The following TNFRSF21 variants were observed in gnomAD, a reference collection of about 807,000 sequenced individuals.
The protein encoded by TNFRSF21 is TNF receptor superfamily member 21, also known as tumor necrosis factor receptor superfamily member 21.
Under a neutral mutation model 45.6 loss-of-function variants are expected in TNFRSF21, and 19 were observed. The ratio of observed to expected loss-of-function variants is 0.42; its 90% confidence interval spans 0.29 to 0.61. The LOEUF (loss-of-function observed/expected upper bound fraction) is 0.61. Ranked by LOEUF, TNFRSF21 falls within the 20% of genes least tolerant of loss-of-function variation. The probability of loss-of-function intolerance (pLI) is 0.23; values close to 1 mark genes in which losing one functional copy is unlikely to be tolerated. For missense variants in TNFRSF21, 737 were observed against 851.5 expected (o/e 0.87, Z 1.67); for synonymous variants, 314 against 335.5 (o/e 0.94, Z 0.70).
intron 5 of TNFRSF21, 39 bp downstream of exon 5, chr6:47,234,631 G>A (rs1401174944): frequency 9.8e-6 from 15 of 1,524,656 alleles, no homozygotes; most frequent in Admixed American, 1.8e-5. Flanking sequence ...TCTTTGGGGG[G>A]TTTAAGTGCG....
chr6:47,253,190 C>G (rs115512876), intron 4 of TNFRSF21, 66 bp downstream of exon 4: 26,862 of 1,558,420 alleles, frequency 0.017, 288 homozygotes, highest in Non-Finnish European at 0.021. Context: ...TCCCATACAA[C>G]TGATAAAATT....
At chr6:47,302,181 G>A (rs896924114) in intron 1 of TNFRSF21, among the ~76,000 whole-genome samples, 4 of 152,138 alleles carry the variant, frequency 2.6e-5, no homozygotes, top group African/African-American at 7.2e-5. Flanking sequence ...AGTGCTACCA[G>A]TCAGTATGAT....
At chr6:47,264,392 G>T (rs1561943487) in intron 3 of TNFRSF21, among the ~76,000 whole-genome samples, 1 of 152,174 alleles carries the variant, frequency 6.6e-6, no homozygotes, top group African/African-American at 2.4e-5. Context: ...GCCAGGCATG[G>T]TGGTCCCAGC....
At chr6:47,244,393 A>AT (rs911052919) in intron 4 of TNFRSF21, among the ~76,000 whole-genome samples, 4 of 151,032 alleles carry the variant, frequency 2.6e-5, no homozygotes, top group East Asian at 1.9e-4. Context: ...AAGACTGCAC[A>AT]TTTTTTTTCT....
At chr6:47,284,571 T>G in intron 2 of TNFRSF21, 139 bp from the exon 3 acceptor site, 1 of 1,039,540 alleles carries the variant, frequency 9.6e-7, no homozygotes, top group Non-Finnish European at 1.3e-6. Flanking sequence ...ATAAATTGTG[T>G]TGCACATTTT....
At chr6:47,243,592 A>G (rs970553021) in intron 4 of TNFRSF21, among the ~76,000 whole-genome samples, 6 of 151,930 alleles carry the variant, frequency 3.9e-5, no homozygotes, top group African/African-American at 7.3e-5. Context: ...TGATTTTTGT[A>G]GTTTTAGTAG....
chr6:47,278,390 T>C (rs1222081179), intron 3 of TNFRSF21, among the ~76,000 whole-genome samples: 1 of 152,228 alleles, frequency 6.6e-6, no homozygotes, highest in African/African-American at 2.4e-5. Context: ...ATGATGGCAA[T>C]GTCCTTTATC....
chr6:47,244,035 C>G (rs1213609147), intron 4 of TNFRSF21, among the ~76,000 whole-genome samples: 1 of 152,124 alleles, frequency 6.6e-6, no homozygotes, highest in African/African-American at 2.4e-5. Flanking sequence ...TTTAAAAAGT[C>G]TTCAGGCTGG....
At chr6:47,292,372 A>G (rs919984592) in intron 1 of TNFRSF21, among the ~76,000 whole-genome samples, 2 of 151,540 alleles carry the variant, frequency 1.3e-5, no homozygotes, top group East Asian at 1.9e-4. Context: ...TTACCTGGGA[A>G]GCTTTAAAAA....
intron 4 of TNFRSF21, among the ~76,000 whole-genome samples, chr6:47,246,316 C>T (rs1019051153): frequency 6.6e-6 from 1 of 152,216 alleles, no homozygotes; most frequent in African/African-American, 2.4e-5. Context: ...AATTCCAACA[C>T]AGAAAATAGT....
chr6:47,271,565 A>G (rs1384740391), intron 3 of TNFRSF21, among the ~76,000 whole-genome samples: 4 of 152,210 alleles, frequency 2.6e-5, no homozygotes, highest in Non-Finnish European at 4.4e-5. Context: ...AAAACATGCC[A>G]AACTGTGAAG....
At chr6:47,269,083 A>T (rs1457718219) in intron 3 of TNFRSF21, among the ~76,000 whole-genome samples, 2 of 152,100 alleles carry the variant, frequency 1.3e-5, no homozygotes, top group Non-Finnish European at 2.9e-5. Flanking sequence ...CTCTAACCCT[A>T]CTGGCCATGT....
chr6:47,270,717 C>T (rs766803687), intron 3 of TNFRSF21, among the ~76,000 whole-genome samples: 9 of 152,066 alleles, frequency 5.9e-5, no homozygotes, highest in African/African-American at 1.2e-4. Context: ...CAAACTTCTC[C>T]GAGCTAAAGG....
chr6:47,303,060 C>A (rs895370023), intron 1 of TNFRSF21, among the ~76,000 whole-genome samples: 1 of 152,186 alleles, frequency 6.6e-6, no homozygotes, highest in Non-Finnish European at 1.5e-5. Flanking sequence ...CTTATTCCTC[C>A]CCTCTGGGCT....
chr6:47,288,981 G>A (rs941189553), intron 1 of TNFRSF21, among the ~76,000 whole-genome samples: 1 of 152,216 alleles, frequency 6.6e-6, no homozygotes, highest in South Asian at 2.1e-4. Flanking sequence ...GAATCAACAG[G>A]CACTTAGGGG....
In TNFRSF21 at chr6:47,286,384, A is replaced by C. The variant is rs1474163757; in HGVS notation, c.308T>G (p.Ile103Arg). The change falls in exon 2 of 6, where the codon ATA becomes AGA. Residue 103 changes from isoleucine (I) to arginine (R), a missense_variant. Physicochemically the swap from Ile to Arg is moderately conservative, Grantham distance 97 (BLOSUM62 -3). Transcript: ENST00000296861. ...CTGACTACAGTCATGGCATTTCTCTATGCCATTCTCATGCCTGGTAAAGGT... is the reference window on the plus strand; with the variant it reads ...CTGACTACAGTCATGGCATTTCTCTCTGCCATTCTCATGCCTGGTAAAGGT... ...VGTFTRHENG[I>R]EKCHDCSQPC... The C allele has an allele frequency of 6.2e-6, 10 of 1,614,060 alleles. No individual in the cohort carries two copies. Among genetic ancestry groups the C allele is most frequent in the Non-Finnish European group, 6.8e-6 (8 of 1,180,040 alleles).
chr6:47,308,271 C>G (rs1762967372), intron 1 of TNFRSF21, among the ~76,000 whole-genome samples: 1 of 152,228 alleles, frequency 6.6e-6, no homozygotes, highest in African/African-American at 2.4e-5. Flanking sequence ...GTCCTGAGAT[C>G]TAAGCAGTTC....
chr6:47,257,104 A>T (rs534824238), intron 3 of TNFRSF21, among the ~76,000 whole-genome samples: 1 of 152,348 alleles, frequency 6.6e-6, no homozygotes, highest in Admixed American at 6.5e-5. Context: ...AATGCATTTC[A>T]GATGCAAATA....
chr6:47,298,182 C>A (rs1380410988), intron 1 of TNFRSF21, among the ~76,000 whole-genome samples: 2 of 149,002 alleles, frequency 1.3e-5, no homozygotes, highest in African/African-American at 5.0e-5. Context: ...ATTCTACGGT[C>A]TTAAAAGAGT....
Sources: allele counts gnomAD v4.1 joint callset (sites outside exome capture counted in the v4.1 genomes callset), GRCh38; gene constraint gnomAD v4.1.1; transcripts MANE v1.5; gene names NCBI Gene and HGNC (gene_info 2026-07-23, HGNC 2026-07-21).